Variants in CACNA2D4 observed in about 807,000 individuals in gnomAD.
CACNA2D4 encodes calcium voltage-gated channel auxiliary subunit alpha2delta 4.
CACNA2D4 carries 157 observed loss-of-function variants against 163.8 expected under a neutral mutation model. The observed-to-expected ratio is 0.96, with a 90% CI of 0.84 to 1.09. The LOEUF (loss-of-function observed/expected upper bound fraction) is 1.09. CACNA2D4 is among the 50% of genes least tolerant of loss of function. The probability of loss-of-function intolerance (pLI) is 0.00; values close to 1 mark genes in which losing one functional copy is unlikely to be tolerated. For synonymous variants in CACNA2D4, 598 were observed against 586.9 expected, an observed-to-expected ratio of 1.02 and a Z score of -0.27; for missense variants, 1,410 against 1,479.9, an observed-to-expected ratio of 0.95 and a Z score of 0.78.
In CACNA2D4 at chr12:1,844,894, T is replaced by C. The variant is rs181813959; in HGVS notation, c.2343-365A>G. 5.7e-4 allele frequency among the ~76,000 whole-genome samples: 87 copies of C among 152,328 alleles called. No individual in the cohort carries two copies. The highest frequency in any genetic ancestry group is 1.7e-3 in the African/African-American group (72 of 41,570). On this transcript the variant is annotated intron_variant, in intron 24 of 37. Transcript: ENST00000382722. The surrounding 1 kb of genome is among the most constrained non-coding windows in gnomAD (Gnocchi z 4.2). ...GTAGTCAGCTCTATCACTGCACTAA[T>C]AGGAGGGCATCAATCCCCCCAAATG...
Position 1,798,655 on chromosome 12 carries a change from T to G in CACNA2D4, c.2995+1020A>C, listed in dbSNP as rs1203873548. Among the ~76,000 whole-genome samples the G allele has an allele frequency of 6.6e-6, 1 of 152,158 alleles. No homozygotes were observed. The highest frequency in any genetic ancestry group is 2.4e-5 in the African/African-American group (1 of 41,436). ...CTGGGACTCCAAGTCCAGTGCGCCT[T>G]CACTGGGGACACTGACATCTGTGTA... On this transcript the variant is annotated intron_variant, in intron 34 of 37. Coordinates refer to ENST00000382722, the MANE Select transcript of CACNA2D4 (RefSeq NM_172364.5). This position sits in a 1 kb window ranked among gnomAD's most constrained non-coding sequence, Gnocchi z 4.3.
At chr12:1,906,844 T>A (rs1197974839) in intron 6 of CACNA2D4, among the ~76,000 whole-genome samples, 2 of 152,242 alleles carry the variant, frequency 1.3e-5, no homozygotes, top group African/African-American at 4.8e-5. Context: ...CTTTCTGGTT[T>A]CCTGTTTCAG....
At chr12:1,808,857 A>C (rs1863623479) in intron 29 of CACNA2D4, among the ~76,000 whole-genome samples, 1 of 152,190 alleles carries the variant, frequency 6.6e-6, no homozygotes. Flanking sequence ...GGAAAAATAC[A>C]AAGGTCCGGT....
rs369118699 is a variant in CACNA2D4, at chr12:1,886,009, A to G, written c.1024T>C (p.Cys342Arg). 1.2e-6 allele frequency: 2 copies of G among 1,613,686 alleles called. No individual in the cohort carries two copies. Among genetic ancestry groups the G allele is most frequent in the African/African-American group, 2.7e-5 (2 of 74,918 alleles). ...YNDYVHYIEP[C>R]FKGILVQADR... ...GCCTGGACGAGGATCCCTTTAAAAC[A>G]AGGCTCGATGTAATGGACGTAGTCA... The change falls in exon 9 of 38, where the codon TGT becomes CGT. Residue 342 changes from cysteine to arginine, a missense_variant. Transcript: ENST00000382722.
At chr12:1,838,992 C>G (rs7138109) in intron 26 of CACNA2D4, among the ~76,000 whole-genome samples, 136,875 of 152,282 alleles carry the variant, frequency 0.9, 61,619 homozygotes, top group East Asian at 1. Flanking sequence ...CCAGTGACAC[C>G]GGGCTTCTAC....
intron 26 of CACNA2D4, 49 bp from the exon 27 acceptor site, chr12:1,811,772 G>GA: frequency 1.3e-6 from 2 of 1,519,540 alleles, no homozygotes; most frequent in South Asian, 1.2e-5. Context: ...GACGGGGAGA[G>GA]AAAAAAATAG....
intron 3 of CACNA2D4, among the ~76,000 whole-genome samples, chr12:1,911,413 A>G (rs1866814649): frequency 6.6e-6 from 1 of 151,760 alleles, no homozygotes; most frequent in African/African-American, 2.4e-5. Context: ...AGGACCCAAG[A>G]TCCTATTCTG....
In CACNA2D4 at chr12:1,907,322, G is replaced by A. The variant is rs374476786; in HGVS notation, c.781+118C>T. On this transcript the variant is annotated intron_variant, in intron 6 of 37. Transcript: ENST00000382722. ...AAGTGTGGGCTTGGAGATGCTTTGG[G>A]ATAGGAGGACCAGCCCCATTCACTG... 26 of 903,808 alleles carry A rather than the reference G, an allele frequency of 2.9e-5. 1 individual carries two copies. Among genetic ancestry groups the A allele is most frequent in the Admixed American group, 1.0e-4 (4 of 40,012 alleles). The allele number at this position is 903,808 out of a possible 1,614,324, so 56.0% of individuals were successfully genotyped here. A position where few individuals can be genotyped will look rare whatever the true frequency, so the allele number is the denominator to read the frequency against.
rs769848087 is a variant in CACNA2D4, at chr12:1,800,381, C to T, written c.2921+5G>A. ...TCCACCAGCCCCGTGTCTACCCCCA[C>T]TCACAGCACCAGCTCCTGCAGCAGC... On this transcript the variant is annotated splice_donor_5th_base_variant and intron_variant, in intron 32 of 37. Transcript: ENST00000382722. 1 of 1,613,780 alleles carries T rather than the reference C, an allele frequency of 6.2e-7. No homozygotes were observed. Among genetic ancestry groups the T allele is most frequent in the East Asian group, 2.2e-5 (1 of 44,892 alleles).
chr12:1,811,666 C>A lies in CACNA2D4; in HGVS notation c.2609G>T (p.Arg870Leu). The A allele has an allele frequency of 6.4e-7, 1 of 1,559,234 alleles. No individual in the cohort carries two copies. Among genetic ancestry groups the A allele is most frequent in the Non-Finnish European group, 8.7e-7 (1 of 1,151,108 alleles). The change falls in exon 27 of 38, where the codon CGG (arginine) becomes CTG (leucine). Residue 870 changes from arginine to leucine, a missense_variant. Arg to Leu is a moderately radical substitution (Grantham distance 102). Coordinates refer to ENST00000382722, the MANE Select transcript of CACNA2D4 (RefSeq NM_172364.5). ...FLQRKFWAAT[R>L]QCSTVDGPCT... ...CTGGCCCGACATCACACCTACCTGC[C>A]GCGTTGCCGCCCAGAATTTGCGCTG...
In CACNA2D4 at chr12:1,917,132, A is replaced by C. The variant is rs561429372; in HGVS notation, c.227+1115T>G. On this transcript the variant is annotated intron_variant, in intron 1 of 37. Coordinates refer to ENST00000382722, the MANE Select transcript of CACNA2D4 (RefSeq NM_172364.5). The surrounding 1 kb of genome is among the most constrained non-coding windows in gnomAD (Gnocchi z 4.3). ...GCAGTCCAGGCTGACAGGAGTTCAA[A>C]TCCCAGCACCTTCACTTCCTGGCCT... 6.6e-6 allele frequency among the ~76,000 whole-genome samples: 1 copy of C among 152,212 alleles called. No individual in the cohort carries two copies. The highest frequency in any genetic ancestry group is 2.4e-5 in the African/African-American group (1 of 41,530).
rs183869472 is a variant in CACNA2D4 at position 1,917,747 on chromosome 12, T to C, written c.227+500A>G. ...GACTGCGGCCACCAAAATCCATTTT[T>C]TTCCCCAGTTCCTGGACAAGCCACC... On this transcript the variant is annotated intron_variant, in intron 1 of 37. Transcript: ENST00000382722. This position sits in a 1 kb window ranked among gnomAD's most constrained non-coding sequence, Gnocchi z 4.3. 5.3e-5 allele frequency among the ~76,000 whole-genome samples: 8 copies of C among 152,316 alleles called. No homozygotes were observed. Among genetic ancestry groups the C allele is most frequent in the Admixed American group, 4.6e-4 (7 of 15,298 alleles).
chr12:1,890,889 T>C (rs1866265984), intron 6 of CACNA2D4, among the ~76,000 whole-genome samples: 3 of 152,148 alleles, frequency 2.0e-5, no homozygotes, highest in Non-Finnish European at 4.4e-5. Flanking sequence ...GGTACCACCA[T>C]AGGTTGCACC....
chr12:1,862,548 C>T lies in CACNA2D4; in HGVS notation c.1879-2342G>A, dbSNP rs891227238. Among the ~76,000 whole-genome samples, 11 of 152,132 alleles carry T rather than the reference C, an allele frequency of 7.2e-5. No individual in the cohort carries two copies. The East Asian group carries it at 1.9e-3, about 27-fold the overall frequency. Reference sequence around the variant, plus strand: ...CATGCCTTAGCCCTTGAGTAGCTGGCACCACAGGCACACACCACCATGCCC... The same window carrying T: ...CATGCCTTAGCCCTTGAGTAGCTGGTACCACAGGCACACACCACCATGCCC... On this transcript the variant is annotated intron_variant, in intron 18 of 37. Coordinates refer to ENST00000382722, the MANE Select transcript of CACNA2D4 (RefSeq NM_172364.5).
rs368713272 is a variant in CACNA2D4, at chr12:1,810,529, C to T, written c.2658+14G>A. ...GGCTCCCTCCTCCACCTTCCTCACA[C>T]GGGCAGAACTTACACTGTCCTCGCA... is the stretch of plus-strand genomic sequence containing the variant. On this transcript the variant is annotated intron_variant, in intron 28 of 37. Transcript: ENST00000382722. The T allele has an allele frequency of 2.3e-5, 35 of 1,552,672 alleles. No homozygotes were observed. The highest frequency in any genetic ancestry group is 2.4e-5 in the Non-Finnish European group (28 of 1,147,448).
chr12:1,832,103 T>C (rs920212152), intron 26 of CACNA2D4, among the ~76,000 whole-genome samples: 1 of 152,234 alleles, frequency 6.6e-6, no homozygotes, highest in Non-Finnish European at 1.5e-5. Flanking sequence ...CTTTACTTTC[T>C]TCCCTTCCCA....
chr12:1,801,175 G>T, intron 30 of CACNA2D4, 57 bp from the exon 31 acceptor site: 1 of 1,432,810 alleles, frequency 7.0e-7, no homozygotes, highest in Non-Finnish European at 9.8e-7. Context: ...CCCTGCCCCT[G>T]CCTCAGGAGG....
chr12:1,860,339 G>C (rs56110511), intron 18 of CACNA2D4, 133 bp from the exon 19 acceptor site: 7 of 679,672 alleles, frequency 1.0e-5, no homozygotes, highest in Admixed American at 8.6e-5. Flanking sequence ...TCCCTGACCA[G>C]CCCCTACACA....
chr12:1,866,222 G>T (rs1865648268), intron 18 of CACNA2D4, among the ~76,000 whole-genome samples: 1 of 152,152 alleles, frequency 6.6e-6, no homozygotes. Flanking sequence ...AGCATCTATT[G>T]AGATTACCCT....
Sources: gnomAD v4.1 joint callset for allele counts (sites outside exome capture counted in the v4.1 genomes callset) on GRCh38, gnomAD v4.1.1 for gene constraint, Gnocchi (gnomAD v3.1) non-coding constraint, MANE v1.5 for transcripts, NCBI Gene and HGNC (gene_info 2026-07-23, HGNC 2026-07-21) for gene names.